TENM4: variants seen among roughly 807,000 people sequenced by gnomAD.
TENM4 encodes teneurin-4.
TENM4 carries 82 observed loss-of-function variants against 243.3 expected under a neutral mutation model. The observed-to-expected ratio is 0.34, with a 90% CI of 0.28 to 0.40. The LOEUF (loss-of-function observed/expected upper bound fraction) is 0.40. Among genes scored for constraint, TENM4 ranks in the 10% least tolerant of loss-of-function variants. The pLI is 1.00. For missense variants in TENM4, 3,138 were observed against 3,673.3 expected, an observed-to-expected ratio of 0.85 and a Z score of 3.77; for synonymous variants, 1,412 against 1,456.3, an observed-to-expected ratio of 0.97 and a Z score of 0.69.
chr11:79,279,218 G>A (rs539406683), intron 2 of TENM4, among the ~76,000 whole-genome samples: 1 of 152,174 alleles, frequency 6.6e-6, no homozygotes, highest in Non-Finnish European at 1.5e-5. Flanking sequence ...GTGTCAATAT[G>A]TTCATTTTCA....
In TENM4 at chr11:78,854,094, G is replaced by A; in HGVS notation, c.1681+10C>T. On this transcript the variant is annotated intron_variant, in intron 12 of 33. Coordinates refer to ENST00000278550, the MANE Select transcript of TENM4 (RefSeq NM_001098816.3). ...TATCCCACAGCCCCCAGAGGGTGTG[G>A]CTCCCTTACCAATGGCAGTGGTGAG... The A allele has an allele frequency of 6.5e-7, 1 of 1,550,054 alleles. No homozygotes were observed. The highest frequency in any genetic ancestry group is 8.7e-7 in the Non-Finnish European group (1 of 1,145,930).
chr11:79,281,858 G>A (rs895491018), intron 2 of TENM4, among the ~76,000 whole-genome samples: 5 of 152,180 alleles, frequency 3.3e-5, no homozygotes, highest in South Asian at 2.1e-4. Context: ...TTTAAGGTCC[G>A]CCTTCTGGGG....
chr11:79,371,095 C>T (rs1261680036), intron 1 of TENM4, among the ~76,000 whole-genome samples: 2 of 152,140 alleles, frequency 1.3e-5, no homozygotes, highest in Admixed American at 1.3e-4. Flanking sequence ...AACAATTAAA[C>T]AATAAGCTAT....
intron 2 of TENM4, among the ~76,000 whole-genome samples, chr11:79,280,618 T>C (rs1356473036): frequency 2.0e-5 from 3 of 152,204 alleles, no homozygotes; most frequent in Non-Finnish European, 4.4e-5. Context: ...GAGGCTGTGA[T>C]TCCCATCTCT....
intron 1 of TENM4, chr11:79,401,925 G>T (rs1858470188): frequency 3.8e-6 from 1 of 263,308 alleles, no homozygotes. Context: ...GACAATTCAG[G>T]CCTAGAGGGT....
intron 6 of TENM4, among the ~76,000 whole-genome samples, chr11:79,000,548 G>C (rs1163133036): frequency 2.6e-5 from 4 of 152,080 alleles, no homozygotes; most frequent in Non-Finnish European, 4.4e-5. Context: ...GAAATTGGTA[G>C]TGACAAAATA....
In TENM4 at chr11:78,708,602, A is replaced by G. The variant is rs1859316071; in HGVS notation, c.4055-87T>C. On this transcript the variant is annotated intron_variant, in intron 26 of 33. Transcript: ENST00000278550. ...CTGGAGCCTTGCTAACTGACAGAGC[A>G]CCTCCTCTACATGATTGGGTTTGAG... The G allele has an allele frequency of 3.5e-5, 51 of 1,457,890 alleles. No homozygotes were observed. In the South Asian group the frequency reaches 6.6e-4, roughly 19 times the overall value. 90.3% of individuals were successfully genotyped at this position (1,457,890 alleles called of 1,614,324 possible). A position where few individuals can be genotyped will look rare whatever the true frequency, so the allele number is the denominator to read the frequency against.
At chr11:79,007,613 C>T (rs568058806) in intron 6 of TENM4, among the ~76,000 whole-genome samples, 1 of 152,266 alleles carries the variant, frequency 6.6e-6, no homozygotes, top group Admixed American at 6.5e-5. Flanking sequence ...CAGGCTCCTT[C>T]CAGAGGGCTG....
intron 3 of TENM4, among the ~76,000 whole-genome samples, chr11:79,164,475 T>C (rs913398936): frequency 2.3e-5 from 3 of 127,886 alleles, no homozygotes; most frequent in East Asian, 6.8e-4. Context: ...ATAGTGTATA[T>C]ATATAGTGTA....
chr11:78,940,672 T>C (rs530632571), intron 6 of TENM4, among the ~76,000 whole-genome samples: 1 of 152,324 alleles, frequency 6.6e-6, no homozygotes, highest in East Asian at 1.9e-4. Flanking sequence ...ACAGGCATTG[T>C]TGGGACTCAA....
chr11:79,263,537 A>G (rs1192547737), intron 2 of TENM4, among the ~76,000 whole-genome samples: 1 of 152,262 alleles, frequency 6.6e-6, no homozygotes, highest in African/African-American at 2.4e-5. Flanking sequence ...GTTTGCAGAA[A>G]GAAAGGTGCA....
At chr11:79,408,708 C>G (rs1243409816) in intron 1 of TENM4, among the ~76,000 whole-genome samples, 1 of 152,058 alleles carries the variant, frequency 6.6e-6, no homozygotes, top group African/African-American at 2.4e-5. Context: ...ATATTTCCTC[C>G]CAATAAGTTT....
At chr11:79,283,113 C>G (rs1033057324) in intron 2 of TENM4, among the ~76,000 whole-genome samples, 7 of 151,816 alleles carry the variant, frequency 4.6e-5, no homozygotes, top group African/African-American at 1.7e-4. Context: ...CTTTATAAAA[C>G]TCTTACAAGA....
intron 1 of TENM4, among the ~76,000 whole-genome samples, chr11:79,346,214 A>G (rs1408232287): frequency 6.6e-6 from 1 of 152,196 alleles, no homozygotes; most frequent in East Asian, 1.9e-4. Flanking sequence ...CATGATGAAT[A>G]CAAATGCCAT....
At chr11:78,999,170 C>A (rs1285377020) in intron 6 of TENM4, among the ~76,000 whole-genome samples, 1 of 152,126 alleles carries the variant, frequency 6.6e-6, no homozygotes, top group Non-Finnish European at 1.5e-5. Flanking sequence ...AGTGGTCACA[C>A]CGCGGGAGAG....
chr11:79,251,093 G>T (rs1855601903), intron 2 of TENM4, among the ~76,000 whole-genome samples: 1 of 152,198 alleles, frequency 6.6e-6, no homozygotes, highest in African/African-American at 2.4e-5. Context: ...AGACATAGTA[G>T]GCCAGAAGTA....
At chr11:79,233,506 G>A (rs1864407885) in intron 2 of TENM4, among the ~76,000 whole-genome samples, 1 of 152,150 alleles carries the variant, frequency 6.6e-6, no homozygotes. Flanking sequence ...AATAAAACCT[G>A]GTAAGTGATG....
At chr11:79,075,765 C>T (rs1860522631) in intron 4 of TENM4, among the ~76,000 whole-genome samples, 1 of 152,232 alleles carries the variant, frequency 6.6e-6, no homozygotes, top group Admixed American at 6.5e-5. Flanking sequence ...CTGGCAGGGA[C>T]TCGGCCTGTC....
intron 1 of TENM4, among the ~76,000 whole-genome samples, chr11:79,410,968 CACAT>C (rs1434546216): frequency 1.3e-5 from 2 of 152,176 alleles, no homozygotes; most frequent in Non-Finnish European, 2.9e-5. Context: ...CACACACACA[CACAT>C]ACAAACACAC....
Sources: gnomAD v4.1 joint callset for allele counts (sites outside exome capture counted in the v4.1 genomes callset) on GRCh38, gnomAD v4.1.1 for gene constraint, MANE v1.5 for transcripts, NCBI Gene and HGNC (gene_info 2026-07-23, HGNC 2026-07-21) for gene names.